Variants in SLIT3 observed in about 807,000 individuals in gnomAD.
SLIT3 encodes slit guidance ligand 3.
In SLIT3, 68 loss-of-function variants were observed where a neutral mutation model predicts 184.0. The observed-to-expected ratio is 0.37, with a 90% CI of 0.30 to 0.45. The LOEUF (loss-of-function observed/expected upper bound fraction) is 0.45. Ranked by LOEUF, SLIT3 falls within the 20% of genes least tolerant of loss-of-function variation. SLIT3 has a pLI of 1.00. For missense variants in SLIT3, 1,707 were observed against 2,026.0 expected (o/e 0.84, Z 3.02); for synonymous variants, 831 against 828.6 (o/e 1.00, Z -0.05).
At chr5:169,136,607 C>T (rs1279961924) in intron 4 of SLIT3, among the ~76,000 whole-genome samples, 2 of 152,316 alleles carry the variant, frequency 1.3e-5, no homozygotes, top group South Asian at 4.1e-4. Context: ...CTAACCTGAC[C>T]ATCATGGATG....
intron 4 of SLIT3, among the ~76,000 whole-genome samples, chr5:169,076,321 G>T (rs1758739752): frequency 1.3e-5 from 2 of 152,144 alleles, no homozygotes; most frequent in African/African-American, 2.4e-5. Flanking sequence ...TTGTTCAGGA[G>T]GCTGTGATTA....
At chr5:169,152,211 C>T (rs1390886612) in intron 4 of SLIT3, among the ~76,000 whole-genome samples, 3 of 152,184 alleles carry the variant, frequency 2.0e-5, no homozygotes, top group African/African-American at 7.2e-5. Context: ...AGGAAAACCA[C>T]AGCACACACA....
At chr5:169,155,990 G>A (rs1762292523) in intron 4 of SLIT3, among the ~76,000 whole-genome samples, 1 of 152,184 alleles carries the variant, frequency 6.6e-6, no homozygotes, top group South Asian at 2.1e-4. Context: ...CTGAAGATTT[G>A]CAATGTACAT....
At chr5:169,240,583 T>C (rs949949042) in intron 3 of SLIT3, among the ~76,000 whole-genome samples, 9 of 37,790 alleles carry the variant, frequency 2.4e-4, no homozygotes, top group South Asian at 3.9e-4. Context: ...CATTTTCTTT[T>C]TTTTTTTTTT....
At chr5:169,173,753 G>A (rs533925348) in intron 4 of SLIT3, among the ~76,000 whole-genome samples, 6 of 152,352 alleles carry the variant, frequency 3.9e-5, no homozygotes, top group African/African-American at 9.6e-5. Flanking sequence ...CTTTGGGCTT[G>A]AAGAAGCCTG....
At chr5:169,184,491 C>T (rs1472457516) in intron 4 of SLIT3, among the ~76,000 whole-genome samples, 1 of 152,158 alleles carries the variant, frequency 6.6e-6, no homozygotes, top group Non-Finnish European at 1.5e-5. Context: ...ATTAGGTGCT[C>T]AAAAGATGTT....
intron 4 of SLIT3, among the ~76,000 whole-genome samples, chr5:169,031,898 G>A (rs1289738252): frequency 6.6e-6 from 1 of 152,218 alleles, no homozygotes; most frequent in Non-Finnish European, 1.5e-5. Context: ...AGTTAGAGGT[G>A]CCCTTGAGGG....
intron 4 of SLIT3, among the ~76,000 whole-genome samples, chr5:169,136,509 A>G (rs1761506065): frequency 6.6e-6 from 1 of 152,272 alleles, no homozygotes; most frequent in South Asian, 2.1e-4. Flanking sequence ...CGGTCCCTTG[A>G]CCAACCTTGC....
At chr5:168,826,547 T>C (rs1304862778) in intron 6 of SLIT3, among the ~76,000 whole-genome samples, 2 of 152,186 alleles carry the variant, frequency 1.3e-5, no homozygotes, top group Admixed American at 6.5e-5. Context: ...AGGCAGAGAC[T>C]AGTTTAGACT....
intron 4 of SLIT3, among the ~76,000 whole-genome samples, chr5:168,942,575 A>G (rs1408114556): frequency 6.6e-6 from 1 of 151,978 alleles, no homozygotes; most frequent in Non-Finnish European, 1.5e-5. Context: ...TTACACAGAA[A>G]CCTCTCTGTT....
chr5:169,062,318 C>A (rs921794045), intron 4 of SLIT3, among the ~76,000 whole-genome samples: 1 of 152,118 alleles, frequency 6.6e-6, no homozygotes, highest in Non-Finnish European at 1.5e-5. Context: ...ATAAATCTAC[C>A]CCATTTGTTT....
intron 4 of SLIT3, among the ~76,000 whole-genome samples, chr5:169,015,115 A>T (rs1450722381): frequency 6.6e-6 from 1 of 151,706 alleles, no homozygotes; most frequent in East Asian, 1.9e-4. Flanking sequence ...AAAAAAAAAC[A>T]AAGCAACACC....
At chr5:168,863,261 GAAGC>G (rs988804904) in intron 5 of SLIT3, among the ~76,000 whole-genome samples, 1 of 152,176 alleles carries the variant, frequency 6.6e-6, no homozygotes, top group Non-Finnish European at 1.5e-5. Context: ...TTTCAAGAAA[GAAGC>G]AAGCAAACAT....
At chr5:169,221,409 T>A (rs190860941) in intron 3 of SLIT3, among the ~76,000 whole-genome samples, 23 of 152,194 alleles carry the variant, frequency 1.5e-4, no homozygotes, top group Non-Finnish European at 1.6e-4. Context: ...GTGGACATGA[T>A]GTATCAGTGT....
At chr5:168,755,389 ATTTC>A (rs139729506) in intron 16 of SLIT3, among the ~76,000 whole-genome samples, 7,953 of 133,572 alleles carry the variant, frequency 0.06, 487 homozygotes, top group Middle Eastern at 0.083. Context: ...CAGTGCCGCC[ATTTC>A]TTTCTTTCTT....
intron 4 of SLIT3, among the ~76,000 whole-genome samples, chr5:168,953,756 T>C (rs71589847): frequency 0.48 from 72,967 of 151,756 alleles, 18,695 homozygotes; most frequent in African/African-American, 0.67. Flanking sequence ...GCTGAAAGCA[T>C]ATTCTCACCC....
chr5:169,044,589 G>C (rs1375408193), intron 4 of SLIT3, among the ~76,000 whole-genome samples: 5 of 92,436 alleles, frequency 5.4e-5, no homozygotes, highest in East Asian at 1.2e-3. Context: ...GAGGAAGGTG[G>C]GGGGGGGGAT....
At chr5:168,913,549 C>A (rs141658174) in intron 4 of SLIT3, among the ~76,000 whole-genome samples, 1 of 152,044 alleles carries the variant, frequency 6.6e-6, no homozygotes, top group Non-Finnish European at 1.5e-5. Context: ...AGGTGGATCA[C>A]GTAAGGTCAG....
intron 4 of SLIT3, among the ~76,000 whole-genome samples, chr5:169,131,219 T>A (rs1206179326): frequency 6.6e-6 from 1 of 152,210 alleles, no homozygotes; most frequent in African/African-American, 2.4e-5. Context: ...TAGTAAAACA[T>A]ACGAAAATCT....
Sources: gnomAD v4.1 joint callset for allele counts (sites outside exome capture counted in the v4.1 genomes callset) on GRCh38, gnomAD v4.1.1 for gene constraint, MANE v1.5 for transcripts, NCBI Gene and HGNC (gene_info 2026-07-23, HGNC 2026-07-21) for gene names.